The following ZCCHC8 variants were observed in gnomAD, a reference collection of about 807,000 sequenced individuals.
ZCCHC8 encodes zinc finger CCHC-type containing 8, also known as zinc finger CCHC domain-containing protein 8.
Under a neutral mutation model 70.6 loss-of-function variants are expected in ZCCHC8, and 27 were observed. The ratio of observed to expected loss-of-function variants is 0.38; its 90% CI spans 0.28 to 0.53. The LOEUF (loss-of-function observed/expected upper bound fraction) is 0.53, where lower values mean the gene tolerates loss of function less well. Among genes scored for constraint, ZCCHC8 ranks in the 20% least tolerant of loss-of-function variants. ZCCHC8 has a pLI of 0.81. For missense variants in ZCCHC8, 737 were observed against 876.9 expected (o/e 0.84, Z 2.01); for synonymous variants, 293 against 317.4 (o/e 0.92, Z 0.82).
At chr12:122,489,333 T>A in intron 5 of ZCCHC8, 53 bp downstream of exon 5, 2 of 1,544,158 alleles carry the variant, frequency 1.3e-6, no homozygotes, top group South Asian at 1.2e-5. Flanking sequence ...CCAGTTGACA[T>A]AGGATAGGAA....
At position 122,483,609 on chromosome 12, in the gene ZCCHC8, A is replaced by C. The variant is rs1224957916; in HGVS notation, c.502-46T>G. On this transcript the variant is annotated intron_variant, in intron 5 of 13. Coordinates refer to ENST00000633063, the MANE Select transcript of ZCCHC8 (RefSeq NM_017612.5). This position sits in a 1 kb window ranked among gnomAD's most constrained non-coding sequence, Gnocchi z 4.4. ...AATATTGCTATTTAAGCAGAAAAAA[A>C]GACATTAAATAATGTAAGATTATGA... 1 of 1,283,088 alleles carries C rather than the reference A, an allele frequency of 7.8e-7. No individual in the cohort carries two copies. Among genetic ancestry groups the C allele is most frequent in the Non-Finnish European group, 1.1e-6 (1 of 909,458 alleles). 79.5% of individuals were successfully genotyped at this position (1,283,088 alleles called of 1,614,324 possible). A position where few individuals can be genotyped will look rare whatever the true frequency, so the allele number is the denominator to read the frequency against.
Position 122,473,454 on chromosome 12 carries a change from C to T in ZCCHC8, c.*43G>A, listed in dbSNP as rs376394723. ...TATCCACTTAATTAGTACTAATTAACGGAACAAAGTTATTAAATAGCTCTC... is the reference window on the plus strand; with the variant it reads ...TATCCACTTAATTAGTACTAATTAATGGAACAAAGTTATTAAATAGCTCTC... On this transcript the variant is annotated 3_prime_UTR_variant, in exon 14 of 14. Transcript: ENST00000633063. 4.4e-5 allele frequency: 70 copies of T among 1,578,110 alleles called. No individual in the cohort carries two copies. The Middle Eastern group carries it at 6.8e-4, about 15-fold the overall frequency.
intron 10 of ZCCHC8, 99 bp from the exon 11 acceptor site, chr12:122,480,410 C>A: frequency 3.9e-6 from 4 of 1,031,522 alleles, no homozygotes; most frequent in Non-Finnish European, 3.9e-6. Flanking sequence ...ATCATGGCAA[C>A]AGAATTAGTT....
At position 122,473,721 on chromosome 12, in the gene ZCCHC8, C is replaced by T; in HGVS notation, c.1900G>A (p.Asp634Asn). The T allele has an allele frequency of 6.2e-7, 1 of 1,613,972 alleles. No individual in the cohort carries two copies. Among genetic ancestry groups the T allele is most frequent in the Non-Finnish European group, 8.5e-7 (1 of 1,179,878 alleles). Residue 634 changes from aspartate to asparagine, a missense_variant, in exon 14 of 14, where the codon GAC becomes AAC. By Grantham distance (23) the Asp-to-Asn change is conservative. Transcript: ENST00000633063. ...TTCTGGCTGCCCCCATTGCTGATGT[C>T]ACAGTTTGGTACGACACTGCCATTA... ...LDNGSVVPNC[D>N]ISNGGSQKLF...
intron 2 of ZCCHC8, among the ~76,000 whole-genome samples, chr12:122,493,956 G>T (rs1027196884): frequency 6.6e-6 from 1 of 152,164 alleles, no homozygotes; most frequent in African/African-American, 2.4e-5. Context: ...ATTTGGCTTG[G>T]AAGTATATAG....
chr12:122,486,335 T>A (rs1281592307), intron 5 of ZCCHC8, among the ~76,000 whole-genome samples: 1 of 141,798 alleles, frequency 7.1e-6, no homozygotes, highest in Non-Finnish European at 1.5e-5. Flanking sequence ...ATTGCTTGAA[T>A]CTGGGAGGGG....
intron 10 of ZCCHC8, 159 bp from the exon 11 acceptor site, chr12:122,480,470 G>GA: frequency 2.8e-5 from 13 of 466,694 alleles, no homozygotes; most frequent in Middle Eastern, 5.7e-4. Flanking sequence ...CATTAGGACA[G>GA]AACTTTTTTT....
chr12:122,500,701 G>A lies in ZCCHC8; in HGVS notation c.140C>T (p.Ala47Val), dbSNP rs368512751. Residue 47 changes from alanine to valine, a missense_variant, in exon 1 of 14, where the codon GCG (alanine) becomes GTG (valine). Coordinates refer to ENST00000633063, the MANE Select transcript of ZCCHC8 (RefSeq NM_017612.5). This position sits in a 1 kb window ranked among gnomAD's most constrained non-coding sequence, Gnocchi z 4.8. ...CTGCCGAAGCCGCTCCCGTAGCTCC[G>A]CGTCGCCGACCCCATTTTCGTCCTC... ...DEEDENGVGD[A>V]ELRERLRQCE... 5.9e-5 allele frequency: 94 copies of A among 1,581,354 alleles called. No homozygotes were observed. The highest frequency in any genetic ancestry group is 7.7e-5 in the Non-Finnish European group (90 of 1,164,348).
At chr12:122,481,731 G>T in intron 9 of ZCCHC8, 67 bp from the exon 10 acceptor site, 1 of 1,523,670 alleles carries the variant, frequency 6.6e-7, no homozygotes. Context: ...ATAGTATTCT[G>T]GTATTTTAAA....
rs752225020 is a variant in ZCCHC8 at position 122,489,467 on chromosome 12, A to G, written c.424-4T>C. The stretch of plus-strand genomic sequence containing the variant: ...CCTCTAGCACAATACTGGATGGCTA[A>G]TACAAAGAAAAACACATATTACAAC... On this transcript the variant is annotated splice_polypyrimidine_tract_variant and splice_region_variant and intron_variant, in intron 4 of 13. Coordinates refer to ENST00000633063, the MANE Select transcript of ZCCHC8 (RefSeq NM_017612.5). 3 of 1,613,180 alleles carry G rather than the reference A, an allele frequency of 1.9e-6. No homozygotes were observed. Among genetic ancestry groups the G allele is most frequent in the Non-Finnish European group, 2.5e-6 (3 of 1,179,490 alleles).
chr12:122,480,356 T>C, intron 10 of ZCCHC8, 45 bp from the exon 11 acceptor site: 1 of 1,527,850 alleles, frequency 6.5e-7, no homozygotes, highest in Non-Finnish European at 8.8e-7. Context: ...AATGTCAATA[T>C]ATATCCCTCC....
In ZCCHC8 at chr12:122,483,816, C is replaced by A; in HGVS notation, c.502-253G>T. 1 of 368,142 alleles carries A rather than the reference C, an allele frequency of 2.7e-6. No homozygotes were observed. The highest frequency in any genetic ancestry group is 4.8e-6 in the Non-Finnish European group (1 of 206,442). 22.8% of individuals were successfully genotyped at this position (368,142 alleles called of 1,614,324 possible). A position where few individuals can be genotyped will look rare whatever the true frequency, so the allele number is the denominator to read the frequency against. On this transcript the variant is annotated intron_variant, in intron 5 of 13. Coordinates refer to ENST00000633063, the MANE Select transcript of ZCCHC8 (RefSeq NM_017612.5). The surrounding 1 kb of genome is among the most constrained non-coding windows in gnomAD (Gnocchi z 4.4). The stretch of plus-strand genomic sequence containing the variant: ...AGCTGCATTCTCTACAGAATTCAAA[C>A]AAAAAATGAAAACCTTGACTCTCAT...
chr12:122,497,646 C>A (rs1336218798), intron 2 of ZCCHC8, among the ~76,000 whole-genome samples: 1 of 152,142 alleles, frequency 6.6e-6, no homozygotes, highest in East Asian at 1.9e-4. Context: ...TGTACTTTAA[C>A]AAATACTTTA....
At position 122,481,587 on chromosome 12, in the gene ZCCHC8, T is replaced by C. The variant is rs766023074; in HGVS notation, c.953A>G (p.Tyr318Cys). Residue 318 changes from tyrosine (Y) to cysteine (C), a missense_variant, in exon 10 of 14, where the codon TAC (tyrosine) becomes TGC (cysteine). Physicochemically the swap from Tyr to Cys is radical, Grantham distance 194. Coordinates refer to ENST00000633063, the MANE Select transcript of ZCCHC8 (RefSeq NM_017612.5). The stretch of plus-strand genomic sequence containing the variant: ...AGCCTCTTTGAGCCACCCTGGTGGG[T>C]ACCCTAGCTGGCGCATCCGATAGAT... ...PFIYRMRQLG[Y>C]PPGWLKEAEL... 5 of 1,613,938 alleles carry C rather than the reference T, an allele frequency of 3.1e-6. No individual in the cohort carries two copies. The highest frequency in any genetic ancestry group is 4.2e-6 in the Non-Finnish European group (5 of 1,179,870).
At chr12:122,495,881 A>G (rs1957819471) in intron 2 of ZCCHC8, among the ~76,000 whole-genome samples, 1 of 145,598 alleles carries the variant, frequency 6.9e-6, no homozygotes, top group Non-Finnish European at 1.5e-5. Flanking sequence ...AAAAAAAAAA[A>G]AAAAAAGGAG....
chr12:122,474,691 G>C (rs1479138834), intron 13 of ZCCHC8, among the ~76,000 whole-genome samples: 1 of 151,392 alleles, frequency 6.6e-6, no homozygotes, highest in African/African-American at 2.4e-5. Flanking sequence ...TGGGGAGGAA[G>C]TGAGGGGCAA....
intron 12 of ZCCHC8, 50 bp from the exon 13 acceptor site, chr12:122,478,008 T>C: frequency 7.2e-7 from 1 of 1,395,874 alleles, no homozygotes; most frequent in South Asian, 1.2e-5. Context: ...AGATAATGAA[T>C]TAAACTCCAT....
chr12:122,492,834 A>G (rs1225521621), intron 2 of ZCCHC8, 45 bp from the exon 3 acceptor site: 1 of 1,278,232 alleles, frequency 7.8e-7, no homozygotes, highest in Non-Finnish European at 1.1e-6. Flanking sequence ...ATTTAAGTAA[A>G]ACTTGCATAC....
chr12:122,495,229 C>T (rs80284715), intron 2 of ZCCHC8, among the ~76,000 whole-genome samples: 11,815 of 152,216 alleles, frequency 0.078, 632 homozygotes, highest in Middle Eastern at 0.16. Context: ...GTAGCTCATG[C>T]CTGTAATCCT....
Sources: gnomAD v4.1 joint callset for allele counts (sites outside exome capture counted in the v4.1 genomes callset) on GRCh38, gnomAD v4.1.1 for gene constraint, Gnocchi (gnomAD v3.1) non-coding constraint, MANE v1.5 for transcripts, NCBI Gene and HGNC (gene_info 2026-07-23, HGNC 2026-07-21) for gene names.